Variants in DLC1 observed in about 807,000 individuals in gnomAD.
DLC1 encodes the protein rho GTPase-activating protein 7.
DLC1 carries 54 observed loss-of-function variants against 140.3 expected under a neutral mutation model. The observed-to-expected ratio is 0.38, with a 90% CI of 0.31 to 0.48. The LOEUF (loss-of-function observed/expected upper bound fraction) is 0.48. DLC1 is among the 20% of genes least tolerant of loss of function. The pLI, the probability that DLC1 is intolerant of heterozygous loss-of-function variation, is 0.96. For missense variants in DLC1, 2,536 were observed against 1,907.0 expected, an observed-to-expected ratio of 1.33 and a Z score of -6.14; for synonymous variants, 986 against 728.1, an observed-to-expected ratio of 1.35 and a Z score of -5.70.
intron 5 of DLC1, among the ~76,000 whole-genome samples, chr8:13,303,981 C>G (rs772274393): frequency 1.3e-5 from 2 of 152,158 alleles, no homozygotes; most frequent in African/African-American, 2.4e-5. Flanking sequence ...GACCAGCCAA[C>G]AACTCACATC....
At chr8:13,589,018 C>T (rs1220384220) in intron 1 of DLC1, among the ~76,000 whole-genome samples, 1 of 152,054 alleles carries the variant, frequency 6.6e-6, no homozygotes, top group African/African-American at 2.4e-5. Context: ...GGACCATATC[C>T]ATTCAACATA....
At chr8:13,467,089 A>G (rs917850438) in intron 2 of DLC1, among the ~76,000 whole-genome samples, 19 of 152,220 alleles carry the variant, frequency 1.2e-4, no homozygotes, top group African/African-American at 4.3e-4. Flanking sequence ...TGTACAACAC[A>G]TAAAGATTTA....
intron 5 of DLC1, among the ~76,000 whole-genome samples, chr8:13,293,146 C>T (rs1332077679): frequency 1.3e-5 from 2 of 152,204 alleles, no homozygotes; most frequent in Admixed American, 6.5e-5. Flanking sequence ...GGGAAGATTG[C>T]TTAAGCCCAG....
chr8:13,548,666 G>T (rs533955025), intron 1 of DLC1, among the ~76,000 whole-genome samples: 1 of 151,814 alleles, frequency 6.6e-6, no homozygotes, highest in Non-Finnish European at 1.5e-5. Flanking sequence ...GCAATTCTAC[G>T]GATTTAATTG....
chr8:13,413,408 T>TTC (rs367547500), intron 2 of DLC1, among the ~76,000 whole-genome samples: 62 of 150,912 alleles, frequency 4.1e-4, no homozygotes, highest in African/African-American at 1.4e-3. Flanking sequence ...CTTAATATAT[T>TTC]TCTCTCTCTC....
chr8:13,126,704 T>G (rs139170635), intron 5 of DLC1, among the ~76,000 whole-genome samples: 1 of 152,212 alleles, frequency 6.6e-6, no homozygotes, highest in African/African-American at 2.4e-5. Flanking sequence ...CTGTCTCTAT[T>G]ATTAAAAGTT....
chr8:13,415,713 CTTA>C (rs1459197365), intron 2 of DLC1, among the ~76,000 whole-genome samples: 9 of 152,122 alleles, frequency 5.9e-5, no homozygotes, highest in Admixed American at 2.6e-4. Flanking sequence ...TAATTTTTAT[CTTA>C]TTATTATTTC....
chr8:13,122,647 T>C (rs1018339870), intron 5 of DLC1, among the ~76,000 whole-genome samples: 1 of 152,156 alleles, frequency 6.6e-6, no homozygotes, highest in African/African-American at 2.4e-5. Flanking sequence ...GTAAAATAAA[T>C]TCCTAGTAAG....
intron 5 of DLC1, among the ~76,000 whole-genome samples, chr8:13,252,322 T>C (rs1830041656): frequency 6.6e-6 from 1 of 152,142 alleles, no homozygotes; most frequent in South Asian, 2.1e-4. Context: ...ATGAGCAGCA[T>C]TAGATATAAC....
chr8:13,504,505 G>C (rs571910865), intron 1 of DLC1, among the ~76,000 whole-genome samples: 4 of 152,160 alleles, frequency 2.6e-5, no homozygotes, highest in Non-Finnish European at 5.9e-5. Context: ...CAAGTCTTCC[G>C]ATTGAAGGGA....
At chr8:13,281,373 A>G (rs917638261) in intron 5 of DLC1, among the ~76,000 whole-genome samples, 1 of 152,210 alleles carries the variant, frequency 6.6e-6, no homozygotes, top group Non-Finnish European at 1.5e-5. Context: ...TAGACCAAAA[A>G]ACTACAATGA....
At position 13,499,118 on chromosome 8, in the gene DLC1, A is replaced by C. The variant is rs1801649532; in HGVS notation, c.954T>G (p.Cys318Trp). Residue 318 changes from cysteine to tryptophan, a missense_variant, in exon 2 of 18, where the codon TGT becomes TGG. Cys to Trp is a radical substitution (Grantham distance 215). Transcript: ENST00000276297. ...TGGCCAGGGTCTCCTTTAATTGTAAACACTGCATGCCATCTTCTGCCTTGA... is the reference window on the plus strand; with the variant it reads ...TGGCCAGGGTCTCCTTTAATTGTAACCACTGCATGCCATCTTCTGCCTTGA... ...PKVKAEDGMQ[C>W]LQLKETLATQ... The C allele has an allele frequency of 1.9e-6, 3 of 1,614,100 alleles. No homozygotes were observed. Among genetic ancestry groups the C allele is most frequent in the Non-Finnish European group, 2.5e-6 (3 of 1,180,000 alleles).
chr8:13,216,913 G>T (rs1056005456), intron 5 of DLC1, among the ~76,000 whole-genome samples: 1 of 152,082 alleles, frequency 6.6e-6, no homozygotes, highest in Non-Finnish European at 1.5e-5. Flanking sequence ...TTCTCTAATT[G>T]GGTGATGTGG....
At chr8:13,097,307 G>C (rs1359032879) in intron 10 of DLC1, among the ~76,000 whole-genome samples, 1 of 151,552 alleles carries the variant, frequency 6.6e-6, no homozygotes, top group East Asian at 1.9e-4. Flanking sequence ...TGTCACCCAG[G>C]CTGGAGTGCA....
intron 5 of DLC1, among the ~76,000 whole-genome samples, chr8:13,300,548 T>C (rs1832147958): frequency 6.6e-6 from 1 of 152,148 alleles, no homozygotes; most frequent in South Asian, 2.1e-4. Flanking sequence ...CGTGGCTGAA[T>C]GAGGAAGACA....
At chr8:13,206,995 TAAAC>T (rs1246826168) in intron 5 of DLC1, among the ~76,000 whole-genome samples, 1 of 152,210 alleles carries the variant, frequency 6.6e-6, no homozygotes, top group East Asian at 1.9e-4. Context: ...AGATGTCACT[TAAAC>T]AATGAGTGAG....
chr8:13,245,932 C>T (rs949267378), intron 5 of DLC1, among the ~76,000 whole-genome samples: 3 of 152,084 alleles, frequency 2.0e-5, no homozygotes, highest in Non-Finnish European at 4.4e-5. Context: ...GAACTCCTGA[C>T]CTCAAGTGAT....
chr8:13,525,455 G>T (rs761344865), intron 1 of DLC1, among the ~76,000 whole-genome samples: 1 of 152,084 alleles, frequency 6.6e-6, no homozygotes, highest in Non-Finnish European at 1.5e-5. Context: ...TACCACCACC[G>T]ATTTCTAAGA....
intron 4 of DLC1, among the ~76,000 whole-genome samples, chr8:13,365,161 C>G (rs886465582): frequency 3.3e-5 from 5 of 152,198 alleles, no homozygotes; most frequent in Non-Finnish European, 5.9e-5. Context: ...TGTTACTGGA[C>G]TTTGCACAGG....
Sources: allele counts gnomAD v4.1 joint callset (sites outside exome capture counted in the v4.1 genomes callset), GRCh38; gene constraint gnomAD v4.1.1; transcripts MANE v1.5; gene names NCBI Gene and HGNC (gene_info 2026-07-23, HGNC 2026-07-21).